Variants in CCDC171 observed in about 807,000 individuals in gnomAD.
The protein encoded by CCDC171 is coiled-coil domain-containing protein 171.
In CCDC171, 177 loss-of-function variants were observed where a neutral mutation model predicts 168.2. The ratio of observed to expected loss-of-function variants is 1.05; its 90% CI spans 0.93 to 1.19. The LOEUF (loss-of-function observed/expected upper bound fraction) is 1.19, where lower values mean the gene tolerates loss of function less well. Among genes scored for constraint, CCDC171 ranks in the 50% most tolerant of loss-of-function variants. The pLI is 0.00. For synonymous variants in CCDC171, 687 were observed against 540.8 expected, an observed-to-expected ratio of 1.27 and a Z score of -3.75; for missense variants, 1,991 against 1,539.0, an observed-to-expected ratio of 1.29 and a Z score of -4.91.
chr9:15,966,895 G>A lies in CCDC171; in HGVS notation c.3754-4714G>A, dbSNP rs931621691. On this transcript the variant is annotated intron_variant, in intron 25 of 25. Coordinates refer to ENST00000380701, the MANE Select transcript of CCDC171 (RefSeq NM_173550.4). ...GGCATGATAGCAGATGTGTGTGTGT[G>A]TATATATATATATATATAACTGTGT... Among the ~76,000 whole-genome samples the A allele has an allele frequency of 5.4e-5, 8 of 149,242 alleles. No homozygotes were observed. In the East Asian group the frequency reaches 1.4e-3, roughly 26 times the overall value.
intron 9 of CCDC171, among the ~76,000 whole-genome samples, chr9:15,674,601 C>G (rs1392839088): frequency 2.0e-5 from 3 of 151,958 alleles, no homozygotes; most frequent in African/African-American, 7.3e-5. Context: ...TTATTTCTGC[C>G]TTCATTTTGT....
chr9:15,719,444 GA>G (rs775469641), intron 11 of CCDC171, among the ~76,000 whole-genome samples: 11,037 of 43,880 alleles, frequency 0.25, 1,048 homozygotes, highest in Non-Finnish European at 0.35. Context: ...GAGAGAGAGA[GA>G]GAAAGTTTAT....
At chr9:15,938,617 A>G (rs1827366291) in intron 25 of CCDC171, among the ~76,000 whole-genome samples, 1 of 151,892 alleles carries the variant, frequency 6.6e-6, no homozygotes. Context: ...AAGTTTGGAT[A>G]TATTGCATTT....
the CCDC171 span, among the ~76,000 whole-genome samples, chr9:16,071,460 C>A: frequency 1.3e-5 from 2 of 152,188 alleles, no homozygotes; most frequent in Non-Finnish European, 2.9e-5. Flanking sequence ...TTTCCAGCTA[C>A]TCTTGTGGTG....
rs1036922795 is a variant in CCDC171 at position 15,805,962 on chromosome 9, T to C, written c.3267+21268T>C. 7.5e-4 allele frequency among the ~76,000 whole-genome samples: 114 copies of C among 152,272 alleles called. 1 individual carries two copies. Among genetic ancestry groups the C allele is most frequent in the African/African-American group, 2.5e-3 (105 of 41,580 alleles). On this transcript the variant is annotated intron_variant, in intron 21 of 25. Coordinates refer to ENST00000380701, the MANE Select transcript of CCDC171 (RefSeq NM_173550.4). Reference sequence around the variant, plus strand: ...CTCCTTTATTGTGTGTATATATATTTAGTATAGTTAGCTCTTCTTGTTGAA... The same window carrying C: ...CTCCTTTATTGTGTGTATATATATTCAGTATAGTTAGCTCTTCTTGTTGAA...
intron 1 of CCDC171, among the ~76,000 whole-genome samples, chr9:15,557,904 T>C (rs2038943439): frequency 6.6e-6 from 1 of 152,132 alleles, no homozygotes. Context: ...TATTTTGAGA[T>C]ACGTCCCATC....
At position 15,850,858 on chromosome 9, in the gene CCDC171, A is replaced by G. The variant is rs964201495; in HGVS notation, c.3468+1911A>G. Among the ~76,000 whole-genome samples, 13 of 152,076 alleles carry G rather than the reference A, an allele frequency of 8.5e-5. No homozygotes were observed. The East Asian group carries it at 2.5e-3, about 29-fold the overall frequency. Reference sequence around the variant, plus strand: ...ATGGAAGGAGGGTCCAGGCTCTTTCATGGGATGGTAAAAATGGATATGGAT... The same window carrying G: ...ATGGAAGGAGGGTCCAGGCTCTTTCGTGGGATGGTAAAAATGGATATGGAT... On this transcript the variant is annotated intron_variant, in intron 23 of 25. Coordinates refer to ENST00000380701, the MANE Select transcript of CCDC171 (RefSeq NM_173550.4).
At chr9:16,026,741 A>G (rs1455025616) in intron 6 of CCDC171, among the ~76,000 whole-genome samples, 1 of 152,198 alleles carries the variant, frequency 6.6e-6, no homozygotes, top group Non-Finnish European at 1.5e-5. Context: ...CTGGAGATAT[A>G]ACTAGGTAAA....
intron 23 of CCDC171, among the ~76,000 whole-genome samples, chr9:15,871,547 A>G (rs969873612): frequency 6.6e-6 from 1 of 151,936 alleles, no homozygotes; most frequent in Non-Finnish European, 1.5e-5. Context: ...TTTGCTTTAG[A>G]TCCTCATTCT....
At chr9:16,094,083 T>A in the CCDC171 span, among the ~76,000 whole-genome samples, 1 of 152,286 alleles carries the variant, frequency 6.6e-6, no homozygotes, top group Middle Eastern at 3.4e-3. Flanking sequence ...AGTAAGAGGT[T>A]GGACGATAAG....
chr9:16,032,472 A>G (rs1486570550), intron 6 of CCDC171, among the ~76,000 whole-genome samples: 1 of 152,144 alleles, frequency 6.6e-6, no homozygotes, highest in Non-Finnish European at 1.5e-5. Flanking sequence ...AGGGCAGCAG[A>G]GGGCATAGGT....
chr9:15,859,795 G>T (rs1181173078), intron 23 of CCDC171, among the ~76,000 whole-genome samples: 1 of 151,638 alleles, frequency 6.6e-6, no homozygotes, highest in African/African-American at 2.4e-5. Context: ...AAGTAGCTGT[G>T]ACTACAGGCA....
rs1238845645 is a variant in CCDC171, at chr9:15,721,866, A to T, written c.1416A>T (p.Ala472=). The change falls in exon 12 of 26, where the codon GCA becomes GCT. Residue 472 remains alanine (A), a synonymous_variant. Transcript: ENST00000380701. ...LTDYQNKLED[A]SNEEKACNEL... is the part of the protein sequence containing the mutation. ...ATTACCAGAACAAGCTGGAAGATGCATCTAATGAGGTAACACTTGCACTGT... is the reference window on the plus strand; with the variant it reads ...ATTACCAGAACAAGCTGGAAGATGCTTCTAATGAGGTAACACTTGCACTGT... The T allele has an allele frequency of 1.3e-6, 2 of 1,541,518 alleles. No homozygotes were observed. The highest frequency in any genetic ancestry group is 1.8e-6 in the Non-Finnish European group (2 of 1,138,684).
chr9:15,632,444 C>A (rs952903217), intron 7 of CCDC171, among the ~76,000 whole-genome samples: 10 of 151,728 alleles, frequency 6.6e-5, no homozygotes, highest in Non-Finnish European at 1.5e-4. Flanking sequence ...GAATAAAATA[C>A]CTAGGAATCC....
chr9:16,099,753 C>A, the CCDC171 span, among the ~76,000 whole-genome samples: 49 of 152,316 alleles, frequency 3.2e-4, no homozygotes, highest in African/African-American at 1.2e-3. Flanking sequence ...GATCGCACAA[C>A]AAAGTCATTT....
intron 10 of CCDC171, among the ~76,000 whole-genome samples, chr9:15,691,973 C>G (rs1474376532): frequency 1.3e-5 from 2 of 152,194 alleles, no homozygotes; most frequent in African/African-American, 4.8e-5. Context: ...TGCACCCAGC[C>G]TTTCACTGAC....
chr9:15,646,470 A>T (rs1416136741), intron 7 of CCDC171, among the ~76,000 whole-genome samples: 2 of 152,218 alleles, frequency 1.3e-5, no homozygotes, highest in African/African-American at 4.8e-5. Context: ...TTGGATAAAG[A>T]TTCAAGACCC....
At chr9:15,933,754 A>G (rs754366375) in intron 25 of CCDC171, among the ~76,000 whole-genome samples, 2 of 151,972 alleles carry the variant, frequency 1.3e-5, no homozygotes, top group African/African-American at 4.8e-5. Context: ...ACCTTGCACT[A>G]TATACAAAAA....
At chr9:15,970,456 C>T (rs996458821) in intron 25 of CCDC171, among the ~76,000 whole-genome samples, 1 of 151,694 alleles carries the variant, frequency 6.6e-6, no homozygotes, top group African/African-American at 2.4e-5. Flanking sequence ...TACTTATAAC[C>T]AGACTTGTTA....
Sources: gnomAD v4.1 joint callset for allele counts (sites outside exome capture counted in the v4.1 genomes callset) on GRCh38, gnomAD v4.1.1 for gene constraint, MANE v1.5 for transcripts, NCBI Gene and HGNC (gene_info 2026-07-23, HGNC 2026-07-21) for gene names.